SH3RF3: variants seen among roughly 807,000 people sequenced by gnomAD.
SH3RF3 encodes the protein E3 ubiquitin-protein ligase SH3RF3.
SH3RF3 carries 29 observed loss-of-function variants against 66.3 expected under a neutral mutation model. That is an observed-to-expected ratio of 0.44 (90% CI 0.33 to 0.60). SH3RF3 has a LOEUF of 0.60. Ranked by LOEUF, SH3RF3 falls within the 20% of genes least tolerant of loss-of-function variation. The pLI is 0.04. For synonymous variants in SH3RF3, 583 were observed against 532.0 expected, an observed-to-expected ratio of 1.10 and a Z score of -1.32; for missense variants, 1,194 against 1,190.9, an observed-to-expected ratio of 1.00 and a Z score of -0.04.
chr2:109,288,975 C>G (rs1331127429), intron 1 of SH3RF3, among the ~76,000 whole-genome samples: 2 of 152,166 alleles, frequency 1.3e-5, no homozygotes, highest in African/African-American at 4.8e-5. Context: ...GTGGGCTTAT[C>G]AAGGACATAA....
chr2:109,466,889 G>C (rs981826591), intron 8 of SH3RF3, among the ~76,000 whole-genome samples: 2 of 152,108 alleles, frequency 1.3e-5, no homozygotes, highest in African/African-American at 4.8e-5. Context: ...GTGTATATGT[G>C]TGCATGTGTT....
intron 1 of SH3RF3, among the ~76,000 whole-genome samples, chr2:109,325,192 A>G (rs1040550645): frequency 1.9e-4 from 29 of 152,244 alleles, no homozygotes; most frequent in African/African-American, 7.0e-4. Context: ...TGTGAAGATC[A>G]GTGTCTCACT....
At position 109,436,885 on chromosome 2, in the gene SH3RF3, C is replaced by G; in HGVS notation, c.1575-8C>G. ...CTCATCAGAATTCCTTCTGCTTTCT[C>G]TCCACAGGGTGCCTGCAGGAGGGGC... On this transcript the variant is annotated splice_region_variant and splice_polypyrimidine_tract_variant and intron_variant, in intron 6 of 9. Coordinates refer to ENST00000309415, the MANE Select transcript of SH3RF3 (RefSeq NM_001099289.3). 1 of 1,612,002 alleles carries G rather than the reference C, an allele frequency of 6.2e-7. No individual in the cohort carries two copies. Among genetic ancestry groups the G allele is most frequent in the Non-Finnish European group, 8.5e-7 (1 of 1,178,940 alleles).
At position 109,176,822 on chromosome 2, in the gene SH3RF3, T is replaced by C. The variant is rs576445843; in HGVS notation, c.573+46709T>C. Among the ~76,000 whole-genome samples, 3 of 152,340 alleles carry C rather than the reference T, an allele frequency of 2.0e-5. No individual in the cohort carries two copies. In the South Asian group the frequency reaches 6.2e-4, roughly 32 times the overall value. ...AGGCTCAGCCGTGAACTTTATCTTA[T>C]GTGACACGGCATTGTTGAACAGTTT... On this transcript the variant is annotated intron_variant, in intron 1 of 9. Coordinates refer to ENST00000309415, the MANE Select transcript of SH3RF3 (RefSeq NM_001099289.3).
intron 6 of SH3RF3, among the ~76,000 whole-genome samples, chr2:109,436,579 G>GAC (rs1677405268): frequency 6.6e-6 from 1 of 152,254 alleles, no homozygotes; most frequent in South Asian, 2.1e-4. Context: ...TGTATCTGGA[G>GAC]ACACACAGCT....
intron 1 of SH3RF3, among the ~76,000 whole-genome samples, chr2:109,132,763 G>A (rs1676727740): frequency 1.3e-5 from 2 of 152,158 alleles, no homozygotes; most frequent in South Asian, 4.1e-4. Context: ...TAACTTGTTT[G>A]TTTATTGTTT....
chr2:109,330,499 C>T (rs1442880728), intron 1 of SH3RF3, among the ~76,000 whole-genome samples: 2 of 152,146 alleles, frequency 1.3e-5, no homozygotes, highest in Non-Finnish European at 2.9e-5. Flanking sequence ...GAATGGGGGG[C>T]AGGGGGTGTC....
At chr2:109,205,273 T>G (rs927749611) in intron 1 of SH3RF3, among the ~76,000 whole-genome samples, 20 of 151,744 alleles carry the variant, frequency 1.3e-4, no homozygotes, top group African/African-American at 4.8e-4. Context: ...TTTTTTTTTT[T>G]TTTTTTAAAC....
intron 1 of SH3RF3, among the ~76,000 whole-genome samples, chr2:109,227,732 T>A (rs1259902984): frequency 2.0e-5 from 3 of 152,244 alleles, no homozygotes; most frequent in Non-Finnish European, 4.4e-5. Context: ...CAGAATCTTG[T>A]GCAGTCCTTT....
chr2:109,273,199 C>CTTAA (rs1325202015), intron 1 of SH3RF3, among the ~76,000 whole-genome samples: 1 of 152,214 alleles, frequency 6.6e-6, no homozygotes, highest in Non-Finnish European at 1.5e-5. Context: ...GATCCTAGGC[C>CTTAA]TGTCCTGAGA....
intron 3 of SH3RF3, among the ~76,000 whole-genome samples, chr2:109,375,505 C>T (rs948650974): frequency 1.3e-5 from 2 of 152,222 alleles, no homozygotes; most frequent in Non-Finnish European, 2.9e-5. Flanking sequence ...GGGACAAGAA[C>T]TAAATCCAAA....
intron 7 of SH3RF3, among the ~76,000 whole-genome samples, chr2:109,443,802 G>T (rs1677637713): frequency 6.6e-6 from 1 of 152,204 alleles, no homozygotes; most frequent in Non-Finnish European, 1.5e-5. Context: ...ATTATGGTCA[G>T]AGACTTTCAT....
intron 1 of SH3RF3, among the ~76,000 whole-genome samples, chr2:109,251,070 C>T (rs1053877405): frequency 9.2e-5 from 14 of 151,792 alleles, no homozygotes; most frequent in East Asian, 3.9e-4. Flanking sequence ...GGCATGATCT[C>T]GGCTCATGGC....
At position 109,272,805 on chromosome 2, in the gene SH3RF3, G is replaced by A. The variant is rs561052741; in HGVS notation, c.574-74869G>A. Among the ~76,000 whole-genome samples the A allele has an allele frequency of 1.6e-4, 25 of 152,290 alleles. No individual in the cohort carries two copies. In the East Asian group the frequency reaches 4.1e-3, roughly 25 times the overall value. On this transcript the variant is annotated intron_variant, in intron 1 of 9. Transcript: ENST00000309415. ...CAGTTAAACAGCCCCCGGTACTGCC[G>A]CACACGCAGGACGTCAGGCTTGGTG...
chr2:109,421,195 T>G (rs1409150514), intron 5 of SH3RF3, among the ~76,000 whole-genome samples: 1 of 152,188 alleles, frequency 6.6e-6, no homozygotes, highest in Non-Finnish European at 1.5e-5. Context: ...GCACCCACAG[T>G]GGGATAGCCC....
chr2:109,259,140 A>G (rs1680292496), intron 1 of SH3RF3, among the ~76,000 whole-genome samples: 2 of 152,368 alleles, frequency 1.3e-5, no homozygotes, highest in African/African-American at 2.4e-5. Context: ...GCAACATGCC[A>G]CGCGGCTTGT....
At chr2:109,283,188 G>A (rs1680936948) in intron 1 of SH3RF3, among the ~76,000 whole-genome samples, 1 of 152,190 alleles carries the variant, frequency 6.6e-6, no homozygotes, top group Admixed American at 6.5e-5. Context: ...GGTGCCTGGA[G>A]CATGCCTCTG....
At chr2:109,160,299 A>C (rs1217455856) in intron 1 of SH3RF3, among the ~76,000 whole-genome samples, 1 of 152,198 alleles carries the variant, frequency 6.6e-6, no homozygotes, top group Non-Finnish European at 1.5e-5. Flanking sequence ...AAGACAGAGG[A>C]GGCCAGAGAG....
At chr2:109,439,841 G>C (rs1037829910) in intron 7 of SH3RF3, among the ~76,000 whole-genome samples, 4 of 152,122 alleles carry the variant, frequency 2.6e-5, no homozygotes, top group Admixed American at 2.6e-4. Flanking sequence ...AGAATGACTA[G>C]AAAACAAAGT....
Sources: gnomAD v4.1 joint callset for allele counts (sites outside exome capture counted in the v4.1 genomes callset) on GRCh38, gnomAD v4.1.1 for gene constraint, MANE v1.5 for transcripts, NCBI Gene and HGNC (gene_info 2026-07-23, HGNC 2026-07-21) for gene names.